The following FMN2 variants were observed in gnomAD, a reference collection of about 807,000 sequenced individuals.
FMN2 encodes formin 2.
In FMN2, 51 loss-of-function variants were observed where a neutral mutation model predicts 142.3. The ratio of observed to expected loss-of-function variants is 0.36; its 90% CI spans 0.29 to 0.45. The LOEUF (loss-of-function observed/expected upper bound fraction) is 0.45. Among genes scored for constraint, FMN2 ranks in the 20% least tolerant of loss-of-function variants. The pLI is 1.00. For missense variants in FMN2, 1,936 were observed against 2,122.8 expected (o/e 0.91, Z 1.73); for synonymous variants, 882 against 869.8 (o/e 1.01, Z -0.25).
chr1:240,304,086 T>G (rs965380510), intron 8 of FMN2, among the ~76,000 whole-genome samples: 1 of 152,196 alleles, frequency 6.6e-6, no homozygotes, highest in Non-Finnish European at 1.5e-5. Flanking sequence ...ATTGTTTTCT[T>G]GGCTTGCTTT....
At chr1:240,303,327 A>G (rs75028125) in intron 8 of FMN2, among the ~76,000 whole-genome samples, 31 of 152,310 alleles carry the variant, frequency 2.0e-4, no homozygotes, top group African/African-American at 7.2e-4. Flanking sequence ...TCCCTTGAGC[A>G]TTTCTTGTGG....
intron 16 of FMN2, among the ~76,000 whole-genome samples, chr1:240,451,251 C>T (rs960269824): frequency 4.0e-5 from 6 of 151,098 alleles, no homozygotes; most frequent in South Asian, 2.1e-4. Context: ...CTGTAATCCT[C>T]ATGAGGCTGA....
chr1:240,407,971 A>C (rs2103120767), intron 15 of FMN2, among the ~76,000 whole-genome samples: 1 of 152,330 alleles, frequency 6.6e-6, no homozygotes. Context: ...AGCATGAATA[A>C]ATGTAGATTT....
intron 14 of FMN2, among the ~76,000 whole-genome samples, chr1:240,391,009 A>G (rs1447765058): frequency 6.6e-6 from 1 of 152,176 alleles, no homozygotes; most frequent in Non-Finnish European, 1.5e-5. Context: ...TGTTCCTAGA[A>G]TTGTTTCTGG....
intron 15 of FMN2, among the ~76,000 whole-genome samples, chr1:240,427,432 C>T (rs1478641408): frequency 6.6e-6 from 1 of 151,774 alleles, no homozygotes; most frequent in Non-Finnish European, 1.5e-5. Flanking sequence ...GTCTCCATCT[C>T]CTGACCTTGT....
At chr1:240,219,283 C>T (rs1415627477) in intron 6 of FMN2, among the ~76,000 whole-genome samples, 6 of 152,146 alleles carry the variant, frequency 3.9e-5, no homozygotes, top group South Asian at 4.1e-4. Flanking sequence ...TTTGGTGTCA[C>T]GGTATGAAAC....
At chr1:240,199,862 G>A (rs1357209327) in intron 4 of FMN2, among the ~76,000 whole-genome samples, 1 of 152,122 alleles carries the variant, frequency 6.6e-6, no homozygotes, top group Non-Finnish European at 1.5e-5. Flanking sequence ...GTACAAAATT[G>A]CCAAGCTTAC....
At chr1:240,439,279 A>AAGAAAGAAAGAAAG (rs1553265376) in intron 16 of FMN2, among the ~76,000 whole-genome samples, 2 of 124,724 alleles carry the variant, frequency 1.6e-5, no homozygotes, top group Non-Finnish European at 3.2e-5. Flanking sequence ...TCAAAAAAAA[A>AAGAAAGAAAGAAAG]AAAGAAAGAA....
At chr1:240,415,336 G>A (rs1222807148) in intron 15 of FMN2, among the ~76,000 whole-genome samples, 2 of 152,124 alleles carry the variant, frequency 1.3e-5, no homozygotes, top group African/African-American at 4.8e-5. Context: ...GTTGAACAGT[G>A]AGAACTCATG....
At chr1:240,414,999 C>T (rs1435934472) in intron 15 of FMN2, among the ~76,000 whole-genome samples, 1 of 152,156 alleles carries the variant, frequency 6.6e-6, no homozygotes, top group Admixed American at 6.5e-5. Flanking sequence ...GCCATCATCT[C>T]CCCAAGAAAC....
At chr1:240,144,486 G>T (rs1663346405) in intron 2 of FMN2, 4 of 1,545,270 alleles carry the variant, frequency 2.6e-6, no homozygotes, top group Non-Finnish European at 3.6e-6. Context: ...TGCCAGCCTA[G>T]CATGAATGCC....
intron 4 of FMN2, among the ~76,000 whole-genome samples, chr1:240,202,707 TC>T (rs1442162596): frequency 2.0e-5 from 3 of 152,116 alleles, no homozygotes; most frequent in Admixed American, 1.3e-4. Flanking sequence ...CAAGTGATCC[TC>T]CCACTTCAGC....
intron 16 of FMN2, among the ~76,000 whole-genome samples, chr1:240,459,717 TAAAAAAAAAAAAAAAAAAAAAAAAAA>T (rs57065226): frequency 1.0e-4 from 7 of 67,128 alleles, no homozygotes; most frequent in East Asian, 1.0e-3. Flanking sequence ...ACTCTGTCTC[TAAAAAAAAAAAAAAAAAAAAAAAAAA>T]AAAAAAAAAA....
intron 15 of FMN2, among the ~76,000 whole-genome samples, chr1:240,427,020 G>A (rs545492559): frequency 2.6e-5 from 4 of 151,542 alleles, no homozygotes; most frequent in Non-Finnish European, 5.9e-5. Context: ...GATCGCAAGC[G>A]TGAGCTACCG....
intron 8 of FMN2, among the ~76,000 whole-genome samples, chr1:240,310,094 GT>G (rs1670550592): frequency 6.6e-6 from 1 of 152,100 alleles, no homozygotes; most frequent in African/African-American, 2.4e-5. Context: ...TGCCTTAATA[GT>G]TTAATAATAA....
chr1:240,170,512 A>G, intron 2 of FMN2: 3 of 1,515,938 alleles, frequency 2.0e-6, no homozygotes, highest in South Asian at 1.1e-5. Flanking sequence ...CCAGAATATA[A>G]GAGTCACTCA....
chr1:240,365,649 G>A (rs1364204652), intron 14 of FMN2, among the ~76,000 whole-genome samples: 2 of 152,124 alleles, frequency 1.3e-5, no homozygotes, highest in Non-Finnish European at 2.9e-5. Flanking sequence ...TAGTGAATAT[G>A]GAACTATTCT....
At chr1:240,452,720 G>A (rs1461039443) in intron 16 of FMN2, among the ~76,000 whole-genome samples, 2 of 152,192 alleles carry the variant, frequency 1.3e-5, no homozygotes, top group African/African-American at 4.8e-5. Context: ...TATGTCATCA[G>A]TTAAGAGATT....
At chr1:240,332,192 C>G (rs1209200340) in intron 11 of FMN2, among the ~76,000 whole-genome samples, 1 of 151,690 alleles carries the variant, frequency 6.6e-6, no homozygotes, top group African/African-American at 2.4e-5. Context: ...TATAATTGTT[C>G]AAATGCTCAT....
Sources: allele counts gnomAD v4.1 joint callset (sites outside exome capture counted in the v4.1 genomes callset), GRCh38; gene constraint gnomAD v4.1.1; transcripts MANE v1.5; gene names NCBI Gene and HGNC (gene_info 2026-07-23, HGNC 2026-07-21).